BMP8B: variants seen among roughly 807,000 people sequenced by gnomAD.
BMP8B encodes bone morphogenetic protein 8 (osteogenic protein 2).
Under a neutral mutation model 30.3 loss-of-function variants are expected in BMP8B, and 17 were observed. The ratio of observed to expected loss-of-function variants is 0.56; its 90% CI spans 0.38 to 0.84. The LOEUF is 0.84. Among genes scored for constraint, BMP8B ranks in the 40% least tolerant of loss-of-function variants. The pLI, the probability that BMP8B is intolerant of heterozygous loss-of-function variation, is 0.00. For synonymous variants in BMP8B, 131 were observed against 214.7 expected, an observed-to-expected ratio of 0.61 and a Z score of 3.41; for missense variants, 253 against 494.6, an observed-to-expected ratio of 0.51 and a Z score of 4.63.
intron 3 of BMP8B, among the ~76,000 whole-genome samples, chr1:39,766,653 T>G (rs1195981834): frequency 7.1e-6 from 1 of 141,168 alleles, no homozygotes; most frequent in Admixed American, 6.9e-5. Flanking sequence ...AGAGGCTCCC[T>G]CCCTCTCACG....
intron 1 of BMP8B, among the ~76,000 whole-genome samples, chr1:39,786,070 ATGTGCGGTG>A (rs1650965922): frequency 6.6e-6 from 1 of 152,104 alleles, no homozygotes; most frequent in Non-Finnish European, 1.5e-5. Context: ...GTCACCCCGG[ATGTGCGGTG>A]TGGCCCTGGG....
intron 1 of BMP8B, among the ~76,000 whole-genome samples, chr1:39,783,548 A>G (rs890643056): frequency 6.6e-6 from 1 of 152,224 alleles, no homozygotes; most frequent in African/African-American, 2.4e-5. Context: ...TAAAAGATTT[A>G]TTGTTAAATG....
rs1455950628 is a variant in BMP8B at position 39,759,851 on chromosome 1, C to T, written c.*568G>A. ...CACTCAGCTTTTTCTTGAGTTGACT[C>T]CACATGTCTACCTGTGACCAGTGGA... is the stretch of plus-strand genomic sequence containing the variant. On this transcript the variant is annotated 3_prime_UTR_variant, in exon 7 of 7. Transcript: ENST00000372827. The T allele has an allele frequency of 1.3e-5, 2 of 153,112 alleles. No individual in the cohort carries two copies. The highest frequency in any genetic ancestry group is 1.9e-4 in the East Asian group (1 of 5,204). The allele number at this position is 153,112 out of a possible 1,614,324, so 9.5% of individuals were successfully genotyped here.
Position 39,760,124 on chromosome 1 carries a change from C to T in BMP8B, c.*295G>A. The stretch of plus-strand genomic sequence containing the variant: ...TAGGACCTCAGACAGGACTTCTGTG[C>T]CAACCCCAAAGAACCAGCCAGGACA... On this transcript the variant is annotated 3_prime_UTR_variant, in exon 7 of 7. Coordinates refer to ENST00000372827, the MANE Select transcript of BMP8B (RefSeq NM_001720.5). 2.2e-6 allele frequency: 1 copy of T among 457,498 alleles called. No homozygotes were observed. The highest frequency in any genetic ancestry group is 4.0e-6 in the Non-Finnish European group (1 of 252,022). The allele number at this position is 457,498 out of a possible 1,614,324, so 28.3% of individuals were successfully genotyped here.
chr1:39,783,553 T>G (rs1569862626), intron 1 of BMP8B, among the ~76,000 whole-genome samples: 1 of 152,142 alleles, frequency 6.6e-6, no homozygotes, highest in South Asian at 2.1e-4. Flanking sequence ...GATTTATTGT[T>G]AAATGAAAAA....
chr1:39,760,989 C>T (rs1290896787), intron 6 of BMP8B, among the ~76,000 whole-genome samples: 1 of 152,054 alleles, frequency 6.6e-6, no homozygotes, highest in Non-Finnish European at 1.5e-5. Context: ...GCCTCCCACA[C>T]CCTGGCCTCC....
chr1:39,778,470 C>A (rs1650386493), intron 1 of BMP8B, among the ~76,000 whole-genome samples: 1 of 151,246 alleles, frequency 6.6e-6, no homozygotes, highest in Admixed American at 6.6e-5. Context: ...GGACTCATGA[C>A]CTGTTGGTTC....
intron 1 of BMP8B, among the ~76,000 whole-genome samples, chr1:39,780,248 C>A (rs902401128): frequency 1.3e-4 from 20 of 152,290 alleles, no homozygotes; most frequent in African/African-American, 4.6e-4. Flanking sequence ...GTGAAGGCGG[C>A]ACCATGACAA....
chr1:39,784,768 C>G (rs1251915873), intron 1 of BMP8B, among the ~76,000 whole-genome samples: 2 of 113,572 alleles, frequency 1.8e-5, no homozygotes, highest in East Asian at 5.6e-4. Flanking sequence ...CCACTCAGTC[C>G]TGCTTCTCCC....
chr1:39,771,321 A>G, intron 3 of BMP8B: 1 of 1,397,448 alleles, frequency 7.2e-7, no homozygotes, highest in Middle Eastern at 2.7e-4. Flanking sequence ...GCCGCGCGTC[A>G]CAGAGCAGGG....
intron 1 of BMP8B, among the ~76,000 whole-genome samples, chr1:39,782,086 G>A (rs1318404138): frequency 6.6e-6 from 1 of 151,658 alleles, no homozygotes; most frequent in African/African-American, 2.4e-5. Context: ...AACCCAAGGA[G>A]GTTGCAGTGA....
At chr1:39,768,041 G>A (rs1649721862) in intron 3 of BMP8B, among the ~76,000 whole-genome samples, 1 of 151,134 alleles carries the variant, frequency 6.6e-6, no homozygotes, top group African/African-American at 2.4e-5. Context: ...GCATGCACCA[G>A]GCCAGGCTTG....
chr1:39,788,523 C>T lies in BMP8B; in HGVS notation c.-38G>A, dbSNP rs1335307465. The T allele has an allele frequency of 2.0e-6, 2 of 1,002,160 alleles. No individual in the cohort carries two copies. Among genetic ancestry groups the T allele is most frequent in the East Asian group, 1.0e-4 (1 of 9,628 alleles). 62.1% of individuals were successfully genotyped at this position (1,002,160 alleles called of 1,614,324 possible). The stretch of plus-strand genomic sequence containing the variant: ...GCGCTCAGCTGGGGCGCTCAGCGGG[C>T]GCGCATCGGCTCCGCGGCCGACCCA... On this transcript the variant is annotated 5_prime_UTR_variant, in exon 1 of 7. Coordinates refer to ENST00000372827, the MANE Select transcript of BMP8B (RefSeq NM_001720.5). The surrounding 1 kb of genome is among the most constrained non-coding windows in gnomAD (Gnocchi z 5.8).
rs1475687484 is a variant in BMP8B at position 39,759,168 on chromosome 1, A to G, written c.*1251T>C. 6.6e-6 allele frequency: 1 copy of G among 152,170 alleles called. No homozygotes were observed. Among genetic ancestry groups the G allele is most frequent in the African/African-American group, 2.4e-5 (1 of 41,372 alleles). The allele number at this position is 152,170 out of a possible 1,614,324, so 9.4% of individuals were successfully genotyped here. ...CCAAGGAGAACAGCAGTTTCCGAGA[A>G]CAGCAGAGGCTGAGACAAACCTCTC... On this transcript the variant is annotated 3_prime_UTR_variant, in exon 7 of 7. Transcript: ENST00000372827.
intron 1 of BMP8B, among the ~76,000 whole-genome samples, chr1:39,778,658 C>G (rs1053185466): frequency 2.0e-5 from 3 of 152,156 alleles, no homozygotes; most frequent in Non-Finnish European, 4.4e-5. Context: ...TTCTGGACCC[C>G]AAATTAAAAG....
chr1:39,786,595 A>G (rs1269911439), intron 1 of BMP8B, among the ~76,000 whole-genome samples: 1 of 152,138 alleles, frequency 6.6e-6, no homozygotes, highest in African/African-American at 2.4e-5. Context: ...GTGGTGACGC[A>G]TTCTGATGGG....
intron 3 of BMP8B, chr1:39,771,328 A>T (rs1649966177): frequency 7.6e-7 from 1 of 1,321,246 alleles, no homozygotes. Flanking sequence ...GTCACAGAGC[A>T]GGGCGGGCGC....
rs1376786872 is a variant in BMP8B at position 39,788,386 on chromosome 1, G to A, written c.100C>T (p.Arg34Ter). ...GLRPPPGCPQRRLGARERRDV... is the reference protein window; with the variant it reads ...GLRPPPGCPQ ...CGGCGCTCGCGCGCGCCCAGACGTC[G>A]CTGGGGACAGCCGGGCGGGGGTCGC... is the stretch of plus-strand genomic sequence containing the variant. Residue 34 changes from arginine to a stop codon, truncating the protein, a stop_gained, in exon 1 of 7, where the codon CGA becomes TGA. Coordinates refer to ENST00000372827, the MANE Select transcript of BMP8B (RefSeq NM_001720.5). LOFTEE classifies it high-confidence loss of function. The surrounding 1 kb of genome is among the most constrained non-coding windows in gnomAD (Gnocchi z 5.8). 5.4e-6 allele frequency: 6 copies of A among 1,105,508 alleles called. No homozygotes were observed. The highest frequency in any genetic ancestry group is 1.1e-4 in the East Asian group (2 of 18,338). The allele number at this position is 1,105,508 out of a possible 1,614,324, so 68.5% of individuals were successfully genotyped here. A position where few individuals can be genotyped will look rare whatever the true frequency, so the allele number is the denominator to read the frequency against.
At chr1:39,768,866 GA>G (rs1257697325) in intron 3 of BMP8B, among the ~76,000 whole-genome samples, 1 of 149,558 alleles carries the variant, frequency 6.7e-6, no homozygotes, top group African/African-American at 2.5e-5. Flanking sequence ...GTCTAAAAAA[GA>G]AAAAAAATTA....
Sources: gnomAD v4.1 joint callset for allele counts (sites outside exome capture counted in the v4.1 genomes callset) on GRCh38, gnomAD v4.1.1 for gene constraint, Gnocchi (gnomAD v3.1) non-coding constraint, MANE v1.5 for transcripts, NCBI Gene and HGNC (gene_info 2026-07-23, HGNC 2026-07-21) for gene names.